Variants in BLTP3B observed in about 807,000 individuals in gnomAD.
BLTP3B encodes bridge-like lipid transfer protein family member 3B.
the BLTP3B span, among the ~76,000 whole-genome samples, chr12:100,061,586 G>A: frequency 6.6e-6 from 1 of 151,508 alleles, no homozygotes; most frequent in South Asian, 2.1e-4. Flanking sequence ...GAACCTGGGA[G>A]GTGGAGCTTG....
the BLTP3B span, among the ~76,000 whole-genome samples, chr12:100,061,813 A>T: frequency 6.6e-6 from 1 of 152,218 alleles, no homozygotes; most frequent in African/African-American, 2.4e-5. Context: ...GTGCAAATTA[A>T]ATATGTAAAA....
the BLTP3B span, among the ~76,000 whole-genome samples, chr12:100,100,738 TTTTTA>T: frequency 2.0e-5 from 3 of 151,902 alleles, no homozygotes; most frequent in African/African-American, 7.2e-5. Context: ...TTTTTTTTTT[TTTTTA>T]CTCTGAACAC....
At chr12:100,111,897 C>T in the BLTP3B span, among the ~76,000 whole-genome samples, 2 of 152,090 alleles carry the variant, frequency 1.3e-5, no homozygotes, top group Admixed American at 6.6e-5. Context: ...CATGAGCCAC[C>T]GTGCCCAGCC....
chr12:100,108,416 G>C, the BLTP3B span: 1 of 1,612,836 alleles, frequency 6.2e-7, no homozygotes, highest in Non-Finnish European at 8.5e-7. Context: ...AAAAAACTTT[G>C]TTGATAGCAA....
the BLTP3B span, among the ~76,000 whole-genome samples, chr12:100,101,607 T>C: frequency 5.9e-5 from 9 of 152,156 alleles, no homozygotes; most frequent in South Asian, 1.7e-3. Context: ...TTTCACTGAG[T>C]GCAAAAAAGC....
At chr12:100,063,107 G>A in the BLTP3B span, among the ~76,000 whole-genome samples, 7 of 152,292 alleles carry the variant, frequency 4.6e-5, no homozygotes, top group Non-Finnish European at 7.4e-5. Flanking sequence ...TCGGATGGAC[G>A]TAGCAGTGTG....
the BLTP3B span, chr12:100,097,272 A>G: frequency 1.5e-6 from 2 of 1,335,490 alleles, no homozygotes; most frequent in Non-Finnish European, 2.0e-6. Flanking sequence ...ATTGTTTAAA[A>G]TTTCCTATAG....
At chr12:100,059,403 G>T in the BLTP3B span, 1 of 1,614,028 alleles carries the variant, frequency 6.2e-7, no homozygotes, top group Admixed American at 1.7e-5. Context: ...TTGAAACAAA[G>T]CTTCTAGGTC....
the BLTP3B span, among the ~76,000 whole-genome samples, chr12:100,136,399 TAC>T: frequency 6.6e-6 from 1 of 152,202 alleles, no homozygotes; most frequent in Non-Finnish European, 1.5e-5. Context: ...AGAAATAGGT[TAC>T]AGTTAGTGAT....
chr12:100,142,618 C>T, the BLTP3B span: 1 of 1,608,734 alleles, frequency 6.2e-7, no homozygotes, highest in African/African-American at 1.4e-5. Flanking sequence ...AGATTTGTTT[C>T]TTGATGATCC....
the BLTP3B span, among the ~76,000 whole-genome samples, chr12:100,115,978 G>A: frequency 6.6e-6 from 1 of 151,992 alleles, no homozygotes; most frequent in Non-Finnish European, 1.5e-5. Flanking sequence ...AGACCAGCCT[G>A]GCCAACATGA....
At chr12:100,037,554 T>C in the BLTP3B span, 76 of 1,551,966 alleles carry the variant, frequency 4.9e-5, no homozygotes, top group South Asian at 8.5e-4. Flanking sequence ...AATAAAAGTC[T>C]TCCCCTAACT....
At chr12:100,123,959 ATTTG>A in the BLTP3B span, among the ~76,000 whole-genome samples, 1 of 152,128 alleles carries the variant, frequency 6.6e-6, no homozygotes, top group African/African-American at 2.4e-5. Flanking sequence ...AAAAATCTCA[ATTTG>A]TTGTTAACCT....
At chr12:100,050,149 A>AT in the BLTP3B span, 2 of 1,459,448 alleles carry the variant, frequency 1.4e-6, no homozygotes, top group South Asian at 1.5e-5. Flanking sequence ...ATGAAAAATA[A>AT]TTAAAAAAAA....
the BLTP3B span, among the ~76,000 whole-genome samples, chr12:100,099,926 T>C: frequency 7.5e-6 from 1 of 132,738 alleles, no homozygotes; most frequent in Non-Finnish European, 1.6e-5. Flanking sequence ...AGATCACATT[T>C]CAAAAAAAAA....
chr12:100,113,453 ACT>A, the BLTP3B span, among the ~76,000 whole-genome samples: 1 of 151,884 alleles, frequency 6.6e-6, no homozygotes, highest in African/African-American at 2.4e-5. Flanking sequence ...ACAGAGTAAG[ACT>A]CTGTGTAAAA....
chr12:100,077,934 A>G, the BLTP3B span, among the ~76,000 whole-genome samples: 5 of 152,148 alleles, frequency 3.3e-5, no homozygotes, highest in Non-Finnish European at 7.3e-5. Flanking sequence ...TAGTTCCGTA[A>G]AGCAAAAAAG....
chr12:100,089,280 G>A, the BLTP3B span, among the ~76,000 whole-genome samples: 22 of 151,872 alleles, frequency 1.4e-4, no homozygotes, highest in Non-Finnish European at 2.9e-4. Context: ...ATTTAAAAAC[G>A]GTAAAACTAG....
the BLTP3B span, among the ~76,000 whole-genome samples, chr12:100,042,008 G>A: frequency 6.7e-3 from 1,024 of 152,152 alleles, 10 homozygotes; most frequent in Non-Finnish European, 0.012. Flanking sequence ...AAAACAATTC[G>A]ATTTAAAATA....
Sources: gnomAD v4.1 joint callset for allele counts (sites outside exome capture counted in the v4.1 genomes callset) on GRCh38, gnomAD v4.1.1 for gene constraint, MANE v1.5 for transcripts, NCBI Gene and HGNC (gene_info 2026-07-23, HGNC 2026-07-21) for gene names.